AXDND1: variants seen among roughly 807,000 people sequenced by gnomAD.
The protein encoded by AXDND1 is axonemal dynein light chain domain containing 1.
A neutral mutation model predicts 137.5 loss-of-function variants in AXDND1; 110 were observed. That is an observed-to-expected ratio of 0.80 (90% CI 0.69 to 0.94). The LOEUF (loss-of-function observed/expected upper bound fraction) is 0.94. Ranked by LOEUF, AXDND1 falls within the 40% of genes least tolerant of loss-of-function variation. AXDND1 has a pLI of 0.00. For synonymous variants in AXDND1, 414 were observed against 399.7 expected, an observed-to-expected ratio of 1.04 and a Z score of -0.43; for missense variants, 1,191 against 1,169.8, an observed-to-expected ratio of 1.02 and a Z score of -0.26.
intron 17 of AXDND1, among the ~76,000 whole-genome samples, chr1:179,482,825 A>T (rs977836912): frequency 6.6e-6 from 1 of 151,796 alleles, no homozygotes; most frequent in Admixed American, 6.6e-5. Context: ...CTCACATAGT[A>T]CTGGCCTGGA....
Position 179,379,408 on chromosome 1 carries a change from A to C in AXDND1, c.507A>C (p.Leu169=). 6.2e-7 allele frequency: 1 copy of C among 1,613,612 alleles called. No individual in the cohort carries two copies. Among genetic ancestry groups the C allele is most frequent in the Non-Finnish European group, 8.5e-7 (1 of 1,179,708 alleles). The part of the protein sequence containing the change: ...GVIVPHKPKT[L]TDTLIPEEFH... ...TCTTTTCTTTTAAGCCAAAGACACT[A>C]ACAGATACTTTGATTCCTGAAGAAT... Residue 169 remains leucine (L), a synonymous_variant, in exon 6 of 26, where the codon CTA becomes CTC. Transcript: ENST00000367618.
chr1:179,521,758 A>ATTT (rs34139679), intron 21 of AXDND1, among the ~76,000 whole-genome samples: 1 of 123,622 alleles, frequency 8.1e-6, no homozygotes, highest in Non-Finnish European at 1.7e-5. Context: ...TCATTCTTAC[A>ATTT]TTTTTTTTTT....
chr1:179,367,103 C>T (rs57864135), intron 2 of AXDND1, among the ~76,000 whole-genome samples: 69,583 of 151,750 alleles, frequency 0.46, 16,186 homozygotes, highest in East Asian at 0.52. Context: ...CGCCTGTAGT[C>T]CCAGCTTACT....
chr1:179,460,108 G>T (rs34118339), intron 16 of AXDND1, among the ~76,000 whole-genome samples: 2 of 150,686 alleles, frequency 1.3e-5, no homozygotes, highest in Non-Finnish European at 3.0e-5. Flanking sequence ...TTTGTTACAT[G>T]TGTATACATG....
chr1:179,496,344 A>G (rs1036130451), intron 20 of AXDND1, among the ~76,000 whole-genome samples: 1 of 152,014 alleles, frequency 6.6e-6, no homozygotes, highest in Non-Finnish European at 1.5e-5. Context: ...CATTGTGGGA[A>G]AGTTTTTAAC....
intron 16 of AXDND1, chr1:179,450,010 TTTTTTTTTTTTG>T (rs1660329016): frequency 7.2e-6 from 1 of 139,406 alleles, no homozygotes; most frequent in African/African-American, 2.7e-5. Flanking sequence ...TTTTTTTTTT[TTTTTTTTTTTTG>T]AGACAGAGTG....
chr1:179,401,170 AT>A (rs1376209660), intron 11 of AXDND1, among the ~76,000 whole-genome samples: 1 of 149,276 alleles, frequency 6.7e-6, no homozygotes, highest in African/African-American at 2.5e-5. Flanking sequence ...AGGCAGGAGA[AT>A]CGCTTGAACC....
At chr1:179,403,297 T>C (rs1571668633) in intron 11 of AXDND1, among the ~76,000 whole-genome samples, 1 of 152,214 alleles carries the variant, frequency 6.6e-6, no homozygotes, top group East Asian at 1.9e-4. Flanking sequence ...GACGAATTTG[T>C]CTGTCAGAAA....
chr1:179,509,164 CTT>C lies in AXDND1; in HGVS notation c.2389-130_2389-129del, dbSNP rs1348388930. 3 of 596,102 alleles carry C rather than the reference CTT, an allele frequency of 5.0e-6. No individual in the cohort carries two copies. The African/African-American group carries it at 5.7e-5, about 11-fold the overall frequency. The allele number at this position is 596,102 out of a possible 1,614,324, so 36.9% of individuals were successfully genotyped here. On this transcript the variant is annotated intron_variant, in intron 20 of 25. Coordinates refer to ENST00000367618, the MANE Select transcript of AXDND1 (RefSeq NM_144696.6). The stretch of plus-strand genomic sequence containing the variant: ...AATAGCCAGTCACCACTGCACAACT[CTT>C]TGAACTGAACTGATATAAAGTTAAT...
chr1:179,541,675 AATAATATTG>A (rs1672171167), intron 25 of AXDND1, among the ~76,000 whole-genome samples: 1 of 138,508 alleles, frequency 7.2e-6, no homozygotes, highest in Non-Finnish European at 1.7e-5. Flanking sequence ...TAATATGCAT[AATAATATTG>A]CATGATAATA....
chr1:179,518,402 C>CTTTTTTTTTTTTTTTTGTTTTTTTTT (rs1669751979), intron 21 of AXDND1, among the ~76,000 whole-genome samples: 1 of 118,418 alleles, frequency 8.4e-6, no homozygotes, highest in African/African-American at 3.1e-5. Context: ...TTTTTTTTGA[C>CTTTTTTTTTTTTTTTTGTTTTTTTTT]TTTTAAGTTC....
In AXDND1 at chr1:179,447,627, G is replaced by A. The variant is rs113015269; in HGVS notation, c.1798+2423G>A. The A allele has an allele frequency of 7.9e-4, 1,000 of 1,260,672 alleles. 5 individuals are homozygous for A. The African/African-American group carries it at 0.012, about 15-fold the overall frequency. The allele number at this position is 1,260,672 out of a possible 1,614,324, so 78.1% of individuals were successfully genotyped here. ...GAGGTGTCATGCCCTTGCTTGAAGC[G>A]GGGATGACAACTCGAAGATCTGGTT... is the stretch of plus-strand genomic sequence containing the variant. On this transcript the variant is annotated intron_variant, in intron 16 of 25. Coordinates refer to ENST00000367618, the MANE Select transcript of AXDND1 (RefSeq NM_144696.6).
intron 16 of AXDND1, among the ~76,000 whole-genome samples, chr1:179,464,232 T>A (rs899972943): frequency 2.6e-5 from 4 of 152,232 alleles, no homozygotes; most frequent in Admixed American, 2.6e-4. Flanking sequence ...CAATTTGGCA[T>A]GTTTTTGCAG....
intron 20 of AXDND1, among the ~76,000 whole-genome samples, chr1:179,505,697 A>G (rs1047026824): frequency 2.0e-5 from 3 of 152,014 alleles, no homozygotes; most frequent in African/African-American, 7.2e-5. Flanking sequence ...AAGATCTCCT[A>G]GGTAACCATC....
intron 9 of AXDND1, among the ~76,000 whole-genome samples, chr1:179,392,218 A>T (rs894805691): frequency 6.6e-6 from 1 of 152,242 alleles, no homozygotes; most frequent in Non-Finnish European, 1.5e-5. Context: ...AAGTGAGAAC[A>T]TACAATATTT....
At chr1:179,495,682 A>G (rs367658810) in intron 20 of AXDND1, among the ~76,000 whole-genome samples, 4 of 151,634 alleles carry the variant, frequency 2.6e-5, no homozygotes, top group African/African-American at 7.3e-5. Context: ...TCCAATCTGT[A>G]TATATTTTTT....
At chr1:179,400,878 C>G (rs1365572843) in intron 11 of AXDND1, among the ~76,000 whole-genome samples, 5 of 130,722 alleles carry the variant, frequency 3.8e-5, no homozygotes, top group Admixed American at 1.8e-4. Flanking sequence ...GCACTCCAGC[C>G]TGGGCAACAG....
In AXDND1 at chr1:179,401,863, C is replaced by A. The variant is rs1652127193; in HGVS notation, c.1109+6661C>A. On this transcript the variant is annotated intron_variant, in intron 11 of 25. Transcript: ENST00000367618. ...GTGGAACTGTGAGTACATTAAACCTCTTTTCCTTTATAAATTATTCAGTCT... is the reference window on the plus strand; with the variant it reads ...GTGGAACTGTGAGTACATTAAACCTATTTTCCTTTATAAATTATTCAGTCT... 1.3e-5 allele frequency among the ~76,000 whole-genome samples: 2 copies of A among 151,986 alleles called. 1 individual carries two copies. Among genetic ancestry groups the A allele is most frequent in the Admixed American group, 1.3e-4 (2 of 15,226 alleles).
In AXDND1 at chr1:179,534,718, C is replaced by T. The variant is rs1446094792; in HGVS notation, c.2799-12C>T. On this transcript the variant is annotated splice_polypyrimidine_tract_variant and intron_variant, in intron 24 of 25. Transcript: ENST00000367618. ...CCCTTTCTATTTTGTTGTGTCTTCT[C>T]TTCCATATCAGGGAGGTTGAAAATA... 18 of 1,564,728 alleles carry T rather than the reference C, an allele frequency of 1.2e-5. No individual in the cohort carries two copies. Among genetic ancestry groups the T allele is most frequent in the Non-Finnish European group, 1.5e-5 (17 of 1,165,384 alleles).
Sources: gnomAD v4.1 joint callset for allele counts (sites outside exome capture counted in the v4.1 genomes callset) on GRCh38, gnomAD v4.1.1 for gene constraint, MANE v1.5 for transcripts, NCBI Gene and HGNC (gene_info 2026-07-23, HGNC 2026-07-21) for gene names.